ZNF423: variants seen among roughly 807,000 people sequenced by gnomAD.
The protein encoded by ZNF423 is zinc finger protein 423.
ZNF423 carries 12 observed loss-of-function variants against 95.8 expected under a neutral mutation model. The ratio of observed to expected loss-of-function variants is 0.13; its 90% CI spans 0.08 to 0.20. ZNF423 has a LOEUF of 0.20. ZNF423 is among the 10% of genes least tolerant of loss of function. The pLI, the probability that ZNF423 is intolerant of heterozygous loss-of-function variation, is 1.00. For synonymous variants in ZNF423, 749 were observed against 711.9 expected (o/e 1.05, Z -0.83); for missense variants, 1,316 against 1,737.1 (o/e 0.76, Z 4.31).
chr16:49,693,792 G>A (rs886269378), intron 3 of ZNF423, among the ~76,000 whole-genome samples: 3 of 152,208 alleles, frequency 2.0e-5, no homozygotes, highest in African/African-American at 7.2e-5. Flanking sequence ...GGCAGAGAAT[G>A]AAGCCAACAA....
intron 3 of ZNF423, among the ~76,000 whole-genome samples, chr16:49,648,318 T>C (rs1044929183): frequency 7.2e-5 from 11 of 152,144 alleles, no homozygotes; most frequent in Non-Finnish European, 1.5e-4. Flanking sequence ...GGTTTCTTCT[T>C]GCTGCTAAAA....
intron 3 of ZNF423, among the ~76,000 whole-genome samples, chr16:49,717,320 C>G (rs182405051): frequency 1.6e-4 from 24 of 152,356 alleles, no homozygotes; most frequent in Non-Finnish European, 2.8e-4. Context: ...CCCCATGGAA[C>G]TGGTAGGGCT....
At chr16:49,712,681 C>T (rs915570442) in intron 3 of ZNF423, among the ~76,000 whole-genome samples, 1 of 152,248 alleles carries the variant, frequency 6.6e-6, no homozygotes. Flanking sequence ...ATCACCTTGC[C>T]CTGCACACAA....
chr16:49,609,491 A>C (rs372171669), intron 5 of ZNF423, among the ~76,000 whole-genome samples: 64 of 152,338 alleles, frequency 4.2e-4, no homozygotes, highest in African/African-American at 1.5e-3. Flanking sequence ...AAGTGGAAAA[A>C]AAAAGAAGTC....
intron 1 of ZNF423, among the ~76,000 whole-genome samples, chr16:49,806,549 G>A (rs1363233283): frequency 6.6e-6 from 1 of 152,176 alleles, no homozygotes; most frequent in African/African-American, 2.4e-5. Context: ...GTCAGTTCCT[G>A]GTTATACATG....
At chr16:49,543,855 C>T (rs1969345391) in intron 5 of ZNF423, among the ~76,000 whole-genome samples, 1 of 152,198 alleles carries the variant, frequency 6.6e-6, no homozygotes, top group Non-Finnish European at 1.5e-5. Flanking sequence ...GCTGGCTGAC[C>T]TTGGGCAAGT....
chr16:49,674,250 A>G (rs971415961), intron 3 of ZNF423, among the ~76,000 whole-genome samples: 1 of 152,116 alleles, frequency 6.6e-6, no homozygotes, highest in Non-Finnish European at 1.5e-5. Context: ...CGCAAACAAA[A>G]TTTTGCTGTG....
In ZNF423 at chr16:49,638,202, G is replaced by T; in HGVS notation, c.974C>A (p.Ala325Asp). 1 of 1,608,060 alleles carries T rather than the reference G, an allele frequency of 6.2e-7. No individual in the cohort carries two copies. The highest frequency in any genetic ancestry group is 1.7e-5 in the Admixed American group (1 of 60,032). ...ENTLLAHIHQ[A>D]HANQKHKCPM... ...GCACTTGTGTTTCTGGTTGGCGTGG[G>T]CTTGGTGGATATGGGCGAGCAGTGT... The change falls in exon 4 of 8, where the codon GCC becomes GAC. Residue 325 changes from alanine (A) to aspartate (D), a missense_variant. Physicochemically the swap from Ala to Asp is moderately radical, Grantham distance 126. Coordinates refer to ENST00000563137, the MANE Select transcript of ZNF423 (RefSeq NM_001379286.1). The surrounding 1 kb of genome is among the most constrained non-coding windows in gnomAD (Gnocchi z 5.6).
In ZNF423 at chr16:49,848,528, C is replaced by A. The variant is rs1305087480; in HGVS notation, c.40+7207G>T. Among the ~76,000 whole-genome samples, 3 of 152,196 alleles carry A rather than the reference C, an allele frequency of 2.0e-5. No individual in the cohort carries two copies. The East Asian group carries it at 5.8e-4, about 29-fold the overall frequency. ...ACCCAGGCCTCTGTCTCTCTCCCGG[C>A]CCCTGGTCCCTGCTCCAAAGGTGAC... On this transcript the variant is annotated intron_variant, in intron 1 of 7. Transcript: ENST00000563137.
chr16:49,614,070 T>C (rs1464005438), intron 5 of ZNF423, among the ~76,000 whole-genome samples: 1 of 152,198 alleles, frequency 6.6e-6, no homozygotes, highest in Non-Finnish European at 1.5e-5. Flanking sequence ...GACTAGTACT[T>C]AGAATACATA....
chr16:49,854,566 T>A, intron 1 of ZNF423: 2 of 985,404 alleles, frequency 2.0e-6, no homozygotes, highest in Non-Finnish European at 2.4e-6. Context: ...TTTGGCTCCG[T>A]AGACTTAGCC....
chr16:49,535,568 A>G (rs1292377107), intron 5 of ZNF423, among the ~76,000 whole-genome samples: 1 of 152,180 alleles, frequency 6.6e-6, no homozygotes, highest in African/African-American at 2.4e-5. Context: ...GATGAAATAA[A>G]CCACACACAA....
At chr16:49,807,939 C>T (rs529513906) in intron 1 of ZNF423, among the ~76,000 whole-genome samples, 8 of 152,344 alleles carry the variant, frequency 5.3e-5, no homozygotes, top group African/African-American at 1.4e-4. Flanking sequence ...CTCAGAGTCA[C>T]GGGATGCTTT....
intron 2 of ZNF423, among the ~76,000 whole-genome samples, chr16:49,788,752 C>T (rs962343490): frequency 6.6e-6 from 1 of 152,214 alleles, no homozygotes; most frequent in Non-Finnish European, 1.5e-5. Context: ...GCCTGCCGGA[C>T]AGGGAGCCAG....
At chr16:49,842,317 G>GC (rs1252531116) in intron 1 of ZNF423, among the ~76,000 whole-genome samples, 23 of 73,080 alleles carry the variant, frequency 3.1e-4, no homozygotes, top group African/African-American at 6.1e-4. Flanking sequence ...GCGAGGGAAG[G>GC]GAAGGGAAGG....
At chr16:49,660,956 C>T (rs771070109) in intron 3 of ZNF423, among the ~76,000 whole-genome samples, 5 of 152,132 alleles carry the variant, frequency 3.3e-5, no homozygotes, top group Non-Finnish European at 5.9e-5. Context: ...CATGGTGACT[C>T]ACACCTATAA....
At chr16:49,497,628 C>T (rs1278371220) in intron 7 of ZNF423, among the ~76,000 whole-genome samples, 1 of 152,164 alleles carries the variant, frequency 6.6e-6, no homozygotes. Flanking sequence ...TGTGGCCAAT[C>T]CCCCTTCTCC....
rs373953510 is a variant in ZNF423, at chr16:49,789,433, T to C, written c.100+54A>G. The C allele has an allele frequency of 2.3e-5, 36 of 1,566,628 alleles. No individual in the cohort carries two copies. The African/African-American group carries it at 3.7e-4, about 16-fold the overall frequency. On this transcript the variant is annotated intron_variant, in intron 2 of 7. Coordinates refer to ENST00000563137, the MANE Select transcript of ZNF423 (RefSeq NM_001379286.1). ...CCAGCTGGGTGGCTTTCTGAGTTCCTGGGCCAGCCCCCAGGACCCCCTGCA... is the reference window on the plus strand; with the variant it reads ...CCAGCTGGGTGGCTTTCTGAGTTCCCGGGCCAGCCCCCAGGACCCCCTGCA...
At chr16:49,631,846 A>T (rs1972513360) in intron 4 of ZNF423, among the ~76,000 whole-genome samples, 2 of 152,078 alleles carry the variant, frequency 1.3e-5, no homozygotes, top group African/African-American at 2.4e-5. Flanking sequence ...CACCCTAGGG[A>T]TGGGGTAAGT....
Sources: allele counts gnomAD v4.1 joint callset (sites outside exome capture counted in the v4.1 genomes callset), GRCh38; gene constraint gnomAD v4.1.1; non-coding constraint Gnocchi (gnomAD v3.1); transcripts MANE v1.5; gene names NCBI Gene and HGNC (gene_info 2026-07-23, HGNC 2026-07-21).